CPNE5: variants seen among roughly 807,000 people sequenced by gnomAD.
CPNE5 encodes copine-5.
A neutral mutation model predicts 81.1 loss-of-function variants in CPNE5; 42 were observed. That is an observed-to-expected ratio of 0.52 (90% CI 0.40 to 0.67). CPNE5 has a LOEUF of 0.67. Ranked by LOEUF, CPNE5 falls within the 30% of genes least tolerant of loss-of-function variation. The probability of loss-of-function intolerance (pLI) is 0.00; values close to 1 mark genes in which losing one functional copy is unlikely to be tolerated. For missense variants in CPNE5, 612 were observed against 815.5 expected, an observed-to-expected ratio of 0.75 and a Z score of 3.04; for synonymous variants, 313 against 321.5, an observed-to-expected ratio of 0.97 and a Z score of 0.28.
At chr6:36,756,074 C>A in intron 13 of CPNE5, 171 bp downstream of exon 13, 1 of 608,184 alleles carries the variant, frequency 1.6e-6, no homozygotes, top group Non-Finnish European at 2.9e-6. Flanking sequence ...AACTCTCTCC[C>A]CTGGCTGTTG....
chr6:36,839,607 G>A, upstream of CPNE5: 1 of 448,044 alleles, frequency 2.2e-6, no homozygotes, highest in East Asian at 3.6e-5. This position sits in a 1 kb window ranked among gnomAD's most constrained non-coding sequence, Gnocchi z 7.3. Flanking sequence ...AGGAGGCTAG[G>A]GGCCCAGTGG....
In CPNE5 at chr6:36,777,202, T is replaced by TCCGG. The variant is rs1197688400; in HGVS notation, c.632+1648_632+1651dup. 2.6e-5 allele frequency among the ~76,000 whole-genome samples: 4 copies of TCCGG among 152,202 alleles called. No individual in the cohort carries two copies. The East Asian group carries it at 7.7e-4, about 29-fold the overall frequency. On this transcript the variant is annotated intron_variant, in intron 9 of 20. Transcript: ENST00000244751. ...GGCTCTGACTTTGGTCCCATCCAAG[T>TCCGG]CCGGCCGAGTGAGGTCCCCTCATTG...
intron 7 of CPNE5, among the ~76,000 whole-genome samples, chr6:36,793,999 GT>G (rs1170665284): frequency 2.6e-5 from 4 of 152,126 alleles, no homozygotes; most frequent in Non-Finnish European, 5.9e-5. Flanking sequence ...GAGGCTCTGC[GT>G]TGGCCACATT....
intron 1 of CPNE5, among the ~76,000 whole-genome samples, chr6:36,825,020 T>C (rs1481818316): frequency 6.6e-6 from 1 of 152,162 alleles, no homozygotes; most frequent in Non-Finnish European, 1.5e-5. Flanking sequence ...TTCTCCTCCA[T>C]GATGGGGACA....
intron 13 of CPNE5, among the ~76,000 whole-genome samples, chr6:36,753,841 AG>A (rs2150384660): frequency 6.6e-6 from 1 of 152,358 alleles, no homozygotes; most frequent in Admixed American, 6.5e-5. Flanking sequence ...CTGGCATCCT[AG>A]GCCAATTATA....
chr6:36,752,789 C>G (rs1252549586), intron 14 of CPNE5, among the ~76,000 whole-genome samples: 1 of 152,224 alleles, frequency 6.6e-6, no homozygotes, highest in Non-Finnish European at 1.5e-5. Context: ...TGCATGGAGA[C>G]CTGACATGAC....
intron 10 of CPNE5, among the ~76,000 whole-genome samples, chr6:36,769,730 C>T (rs565167103): frequency 9.2e-5 from 14 of 152,326 alleles, no homozygotes; most frequent in South Asian, 2.1e-4. Context: ...CCGTGCCTCC[C>T]GTCTGAGCCT....
chr6:36,773,886 GAAACCC>G (rs1767262312), intron 10 of CPNE5, among the ~76,000 whole-genome samples: 1 of 152,132 alleles, frequency 6.6e-6, no homozygotes, highest in Non-Finnish European at 1.5e-5. Context: ...GCAACATGGT[GAAACCC>G]CATGTCCACC....
intron 9 of CPNE5, among the ~76,000 whole-genome samples, chr6:36,777,759 C>CA (rs1296230395): frequency 4.6e-5 from 3 of 64,536 alleles, no homozygotes; most frequent in Non-Finnish European, 6.4e-5. Flanking sequence ...GCCTACCCCC[C>CA]CCCCCACCAC....
At chr6:36,832,248 A>T (rs972189803) in intron 1 of CPNE5, among the ~76,000 whole-genome samples, 1 of 152,152 alleles carries the variant, frequency 6.6e-6, no homozygotes, top group Non-Finnish European at 1.5e-5. Context: ...TACTTTCCAA[A>T]TGGCCCCATA....
intron 9 of CPNE5, 76 bp downstream of exon 9, chr6:36,778,778 G>A (rs913891368): frequency 1.9e-5 from 19 of 1,018,294 alleles, no homozygotes; most frequent in Non-Finnish European, 2.7e-5. Context: ...TGCCTGGCAA[G>A]TCACCACCAC....
At chr6:36,764,846 G>A (rs568939457) in intron 11 of CPNE5, among the ~76,000 whole-genome samples, 6 of 152,274 alleles carry the variant, frequency 3.9e-5, no homozygotes, top group Admixed American at 1.3e-4. Context: ...GGCTGTACGG[G>A]TACAATTGGC....
At chr6:36,782,023 T>G (rs146484579) in intron 8 of CPNE5, among the ~76,000 whole-genome samples, 20 of 152,242 alleles carry the variant, frequency 1.3e-4, no homozygotes, top group South Asian at 4.1e-4. Flanking sequence ...TCCTCGTCTG[T>G]GGAGCGTGGA....
At chr6:36,825,352 C>T (rs1481553410) in intron 1 of CPNE5, among the ~76,000 whole-genome samples, 2 of 152,148 alleles carry the variant, frequency 1.3e-5, no homozygotes, top group Non-Finnish European at 2.9e-5. Context: ...CCTAGAGATG[C>T]CCCCAAGAGA....
chr6:36,763,049 G>T, intron 11 of CPNE5, 57 bp from the exon 12 acceptor site: 1 of 1,480,676 alleles, frequency 6.8e-7, no homozygotes. Context: ...CCTCTGCCCA[G>T]CCCCAGCCTT....
chr6:36,765,525 G>A, intron 10 of CPNE5, 149 bp from the exon 11 acceptor site: 1 of 841,132 alleles, frequency 1.2e-6, no homozygotes, highest in East Asian at 2.6e-5. Context: ...CGGCTTGAGA[G>A]ACAAGGATCT....
chr6:36,807,287 G>A (rs1007171370), intron 3 of CPNE5, among the ~76,000 whole-genome samples: 1 of 152,194 alleles, frequency 6.6e-6, no homozygotes, highest in African/African-American at 2.4e-5. Context: ...TTTTGGCTCT[G>A]CTACTCCCTG....
chr6:36,767,747 G>C (rs1247971482), intron 10 of CPNE5, among the ~76,000 whole-genome samples: 2 of 152,248 alleles, frequency 1.3e-5, no homozygotes, highest in Non-Finnish European at 2.9e-5. Flanking sequence ...CCAGGCCAGA[G>C]GGCCTAATTT....
chr6:36,777,755 C>CT (rs201383797), intron 9 of CPNE5, among the ~76,000 whole-genome samples: 1,159 of 7,978 alleles, frequency 0.15, 22 homozygotes, highest in African/African-American at 0.29. Flanking sequence ...CCCTGCCTAC[C>CT]CCCCCCCCCA....
Sources: allele counts gnomAD v4.1 joint callset (sites outside exome capture counted in the v4.1 genomes callset), GRCh38; gene constraint gnomAD v4.1.1; non-coding constraint Gnocchi (gnomAD v3.1); transcripts MANE v1.5; gene names NCBI Gene and HGNC (gene_info 2026-07-23, HGNC 2026-07-21).